TRIO: variants seen among roughly 807,000 people sequenced by gnomAD.
The protein encoded by TRIO is trio Rho guanine nucleotide exchange factor, also known as triple functional domain protein.
Under a neutral mutation model 351.9 loss-of-function variants are expected in TRIO, and 58 were observed. That is an observed-to-expected ratio of 0.16 (90% confidence interval 0.13 to 0.21). The LOEUF (loss-of-function observed/expected upper bound fraction) is 0.21, where lower values mean the gene tolerates loss of function less well. TRIO is among the 10% of genes least tolerant of loss of function. TRIO has a pLI of 1.00. For synonymous variants in TRIO, 1,758 were observed against 1,595.7 expected, an observed-to-expected ratio of 1.10 and a Z score of -2.42; for missense variants, 3,201 against 4,027.8, an observed-to-expected ratio of 0.79 and a Z score of 5.56.
chr5:14,414,933 G>A (rs1225245028), intron 33 of TRIO, among the ~76,000 whole-genome samples: 4 of 152,268 alleles, frequency 2.6e-5, no homozygotes, highest in Non-Finnish European at 4.4e-5. Flanking sequence ...GCATTGATTA[G>A]GGAAATTGTT....
intron 45 of TRIO, 133 bp from the exon 46 acceptor site, chr5:14,482,449 A>T: frequency 1.4e-6 from 1 of 720,022 alleles, no homozygotes; most frequent in Non-Finnish European, 2.0e-6. Context: ...GAAAAAAAAA[A>T]TTAAACTCCA....
chr5:14,160,803 T>C lies in TRIO; in HGVS notation c.157+16921T>C, dbSNP rs182730326. Among the ~76,000 whole-genome samples, 9 of 152,362 alleles carry C rather than the reference T, an allele frequency of 5.9e-5. No homozygotes were observed. In the East Asian group the frequency reaches 1.7e-3, roughly 29 times the overall value. ...GGTGAAGACCAGTGCAGAATTATTC[T>C]CAGATCTCCTTCCCGACTCGTCCCT... On this transcript the variant is annotated intron_variant, in intron 1 of 56. Coordinates refer to ENST00000344204, the MANE Select transcript of TRIO (RefSeq NM_007118.4).
intron 11 of TRIO, among the ~76,000 whole-genome samples, chr5:14,344,709 C>T (rs1561367524): frequency 6.6e-6 from 1 of 152,180 alleles, no homozygotes. Context: ...GTCTCTACCT[C>T]ATTAATCTTT....
rs141881304 is a variant in TRIO, at chr5:14,400,048, G to C, written c.4615-915G>C. ...ATGTCCCCGAGTATGGAAATCATCTGAGTAATAATCTGGAATTCACAGGTT... is the reference window on the plus strand; with the variant it reads ...ATGTCCCCGAGTATGGAAATCATCTCAGTAATAATCTGGAATTCACAGGTT... On this transcript the variant is annotated intron_variant, in intron 30 of 56. Coordinates refer to ENST00000344204, the MANE Select transcript of TRIO (RefSeq NM_007118.4). Among the ~76,000 whole-genome samples the C allele has an allele frequency of 5.7e-3, 872 of 152,328 alleles. 11 individuals carry two copies. The highest frequency in any genetic ancestry group is 0.02 in the African/African-American group (820 of 41,568).
chr5:14,387,942 A>C lies in TRIO; in HGVS notation c.3881+95A>C, dbSNP rs1746689511. ...GCTTCTGTGTGTGCTTTGAAGTCAC[A>C]TGGCACCCAGGCTTTTTGTTGCTCT... On this transcript the variant is annotated intron_variant, in intron 23 of 56. Transcript: ENST00000344204. 3 of 1,341,716 alleles carry C rather than the reference A, an allele frequency of 2.2e-6. No homozygotes were observed. The African/African-American group carries it at 4.4e-5, about 19-fold the overall frequency. 83.1% of individuals were successfully genotyped at this position (1,341,716 alleles called of 1,614,324 possible).
chr5:14,391,056 C>A, intron 27 of TRIO, 66 bp downstream of exon 27: 2 of 1,263,284 alleles, frequency 1.6e-6, no homozygotes, highest in South Asian at 2.8e-5. Context: ...CGGCATTACT[C>A]ATAACTTTCA....
intron 53 of TRIO, 91 bp downstream of exon 53, chr5:14,498,731 A>G (rs746642360): frequency 3.2e-6 from 5 of 1,553,864 alleles, no homozygotes; most frequent in African/African-American, 1.4e-5. Flanking sequence ...TTACACTCCA[A>G]GTGGCCTGAA....
At chr5:14,197,194 G>A (rs560112053) in intron 1 of TRIO, among the ~76,000 whole-genome samples, 6 of 152,250 alleles carry the variant, frequency 3.9e-5, no homozygotes, top group South Asian at 2.1e-4. Flanking sequence ...AGCTTTCCCC[G>A]CCCCTGTGAC....
intron 11 of TRIO, among the ~76,000 whole-genome samples, chr5:14,356,945 G>C (rs1234873938): frequency 1.3e-5 from 2 of 152,216 alleles, no homozygotes; most frequent in African/African-American, 2.4e-5. Flanking sequence ...CAGTGGCTGA[G>C]AGCAGGTGAG....
At chr5:14,428,177 C>G (rs1007023468) in intron 34 of TRIO, among the ~76,000 whole-genome samples, 1 of 152,110 alleles carries the variant, frequency 6.6e-6, no homozygotes, top group Non-Finnish European at 1.5e-5. Context: ...CCTAATAAGT[C>G]TTCCAAAAAT....
At chr5:14,358,672 G>A (rs1274033750) in intron 12 of TRIO, among the ~76,000 whole-genome samples, 1 of 152,190 alleles carries the variant, frequency 6.6e-6, no homozygotes, top group Non-Finnish European at 1.5e-5. Flanking sequence ...ATTAATGTGA[G>A]CTTCCAAGGA....
intron 1 of TRIO, among the ~76,000 whole-genome samples, chr5:14,239,712 G>A (rs898887659): frequency 4.6e-5 from 7 of 152,150 alleles, no homozygotes; most frequent in Non-Finnish European, 1.0e-4. Context: ...TATTGTCTGC[G>A]TTCTCGTTGC....
chr5:14,188,625 C>T (rs1285916612), intron 1 of TRIO, among the ~76,000 whole-genome samples: 1 of 151,976 alleles, frequency 6.6e-6, no homozygotes, highest in African/African-American at 2.4e-5. Flanking sequence ...TCATTGTTTT[C>T]CCCTGCACTG....
intron 1 of TRIO, among the ~76,000 whole-genome samples, chr5:14,257,332 C>G (rs538888545): frequency 6.8e-4 from 104 of 152,214 alleles, no homozygotes; most frequent in African/African-American, 2.4e-3. Flanking sequence ...AAGGGAGACA[C>G]GGAATTCTTA....
At position 14,471,409 on chromosome 5, in the gene TRIO, C is replaced by T. The variant is rs1754675384; in HGVS notation, c.5855C>T (p.Ser1952Phe). The part of the protein sequence containing the change: ...FNPSDNSLLS[S>F]SSPIDEMEER... ...CCTTCGGATAATTCCCTTCTCTCTT[C>T]CTCCTCGCCCATTGATGAGATGGAA... The change falls in exon 38 of 57, where the codon TCC (serine) becomes TTC (phenylalanine). Residue 1952 changes from serine to phenylalanine, a missense_variant. By Grantham distance (155) the Ser-to-Phe change is radical. Around this residue, in one of 19 missense-constraint regions of TRIO, gnomAD observed 307 missense variants for 396.5 expected, o/e 0.77. Coordinates refer to ENST00000344204, the MANE Select transcript of TRIO (RefSeq NM_007118.4). The T allele has an allele frequency of 6.2e-7, 1 of 1,614,072 alleles. No homozygotes were observed. Among genetic ancestry groups the T allele is most frequent in the Non-Finnish European group, 8.5e-7 (1 of 1,180,038 alleles).
intron 38 of TRIO, among the ~76,000 whole-genome samples, 192 bp from the exon 39 acceptor site, chr5:14,472,400 T>G (rs1264342432): frequency 6.6e-6 from 1 of 152,202 alleles, no homozygotes; most frequent in Non-Finnish European, 1.5e-5. Context: ...TCTTTTGACC[T>G]CCAGAGCTCT....
intron 2 of TRIO, among the ~76,000 whole-genome samples, chr5:14,273,140 A>G (rs1735186137): frequency 6.6e-6 from 1 of 152,092 alleles, no homozygotes; most frequent in African/African-American, 2.4e-5. Flanking sequence ...CTCTGACCCC[A>G]TTTTAAAAAA....
At chr5:14,275,860 A>ATG (rs1474278912) in intron 2 of TRIO, among the ~76,000 whole-genome samples, 2,646 of 102,240 alleles carry the variant, frequency 0.026, 66 homozygotes, top group African/African-American at 0.075. Flanking sequence ...CTCTGTCTCT[A>ATG]TGTGTGTATA....
At chr5:14,166,835 C>T (rs776452092) in intron 1 of TRIO, among the ~76,000 whole-genome samples, 16 of 152,130 alleles carry the variant, frequency 1.1e-4, no homozygotes, top group African/African-American at 2.9e-4. Flanking sequence ...TAGATTCTTA[C>T]GGATGAGGTG....
Sources: gnomAD v4.1 joint callset for allele counts (sites outside exome capture counted in the v4.1 genomes callset) on GRCh38, gnomAD v4.1.1 for gene constraint, gnomAD v4.1.1 regional missense constraint, MANE v1.5 for transcripts, NCBI Gene and HGNC (gene_info 2026-07-23, HGNC 2026-07-21) for gene names.